Variants in ANKRD10 observed in about 807,000 individuals in gnomAD.
ANKRD10 encodes the protein ankyrin repeat domain 10, also known as ankyrin repeat domain-containing protein 10.
Under a neutral mutation model 27.0 loss-of-function variants are expected in ANKRD10, and 14 were observed. That is an observed-to-expected ratio of 0.52 (90% CI 0.34 to 0.81). The LOEUF is 0.81. Ranked by LOEUF, ANKRD10 falls within the 40% of genes least tolerant of loss-of-function variation. The pLI, the probability that ANKRD10 is intolerant of heterozygous loss-of-function variation, is 0.01. For missense variants in ANKRD10, 493 were observed against 544.0 expected (o/e 0.91, Z 0.93); for synonymous variants, 250 against 224.5 (o/e 1.11, Z -1.01).
At chr13:110,914,064 T>G (rs933226914) in intron 1 of ANKRD10, among the ~76,000 whole-genome samples, 1 of 152,204 alleles carries the variant, frequency 6.6e-6, no homozygotes, top group African/African-American at 2.4e-5. Flanking sequence ...TCACTAATTT[T>G]GCTGAAGCGG....
At chr13:110,880,328 G>A (rs968121015) in intron 5 of ANKRD10, among the ~76,000 whole-genome samples, 4 of 152,158 alleles carry the variant, frequency 2.6e-5, no homozygotes, top group Admixed American at 6.5e-5. Flanking sequence ...AAAATCATGT[G>A]TGTGTCAGTA....
chr13:110,896,019 A>C (rs199578706), intron 3 of ANKRD10, among the ~76,000 whole-genome samples: 2 of 152,178 alleles, frequency 1.3e-5, no homozygotes, highest in East Asian at 3.9e-4. Context: ...TGGCCCAATC[A>C]TGCTATGTAC....
rs1344691271 is a variant in ANKRD10, at chr13:110,914,914, G to C, written c.21C>G (p.Gly7=). 1 of 1,534,584 alleles carries C rather than the reference G, an allele frequency of 6.5e-7. No individual in the cohort carries two copies. Among genetic ancestry groups the C allele is most frequent in the Non-Finnish European group, 8.7e-7 (1 of 1,145,286 alleles). Residue 7 remains glycine, a synonymous_variant, in exon 1 of 6, where the codon GGC becomes GGG. Coordinates refer to ENST00000267339, the MANE Select transcript of ANKRD10 (RefSeq NM_017664.4). The part of the protein sequence containing the change: MSAAGA[G]AGVEAGFSSE... ...TGGAGAAGCCCGCCTCTACGCCCGC[G>C]CCCGCTCCCGCCGCCGACATGGTCC...
In ANKRD10 at chr13:110,892,416, CAAAAAA is replaced by C. The variant is rs71127979; in HGVS notation, c.691+606_691+611del. Among the ~76,000 whole-genome samples, 14 of 19,556 alleles carry C rather than the reference CAAAAAA, an allele frequency of 7.2e-4. 1 individual carries two copies. The highest frequency in any genetic ancestry group is 3.2e-3 in the African/African-American group (11 of 3,400). 12.8% of individuals were successfully genotyped at this position (19,556 alleles called of 152,430 possible). On this transcript the variant is annotated intron_variant, in intron 4 of 5. Transcript: ENST00000267339. ...TTGCACTCCAGCCTGGGTGACAGAG[CAAAAAA>C]AAAAAAAAAAAAAATGGTGGGAGAA...
chr13:110,901,816 G>A (rs2065388611), intron 3 of ANKRD10, among the ~76,000 whole-genome samples: 1 of 152,160 alleles, frequency 6.6e-6, no homozygotes. Flanking sequence ...CAAGGTGGAA[G>A]GACTGCTTGA....
chr13:110,906,635 C>T (rs1349792857), intron 2 of ANKRD10, among the ~76,000 whole-genome samples: 1 of 152,066 alleles, frequency 6.6e-6, no homozygotes, highest in African/African-American at 2.4e-5. Context: ...TGAAGTGGGA[C>T]CACAACTTAG....
intron 3 of ANKRD10, among the ~76,000 whole-genome samples, chr13:110,905,685 T>G (rs2065511406): frequency 1.3e-5 from 2 of 152,208 alleles, no homozygotes; most frequent in South Asian, 4.1e-4. Context: ...AAATCAAAAT[T>G]AGGCAAAGAA....
chr13:110,910,622 T>C lies in ANKRD10; in HGVS notation c.359A>G (p.Lys120Arg). Residue 120 changes from lysine to arginine, a missense_variant, in exon 2 of 6, where the codon AAA becomes AGA. Coordinates refer to ENST00000267339, the MANE Select transcript of ANKRD10 (RefSeq NM_017664.4). Reference protein sequence around the residue: ...WLIQAGANINKPDCEGETPIH... With the variant: ...WLIQAGANINRPDCEGETPIH... ...GTCCATCACCAGCACTCTTACCGGT[T>C]TGTTAATGTTGGCTCCTGCTTGAAT... 5.0e-6 allele frequency: 8 copies of C among 1,613,612 alleles called. No homozygotes were observed. The highest frequency in any genetic ancestry group is 3.3e-5 in the Admixed American group (2 of 59,868).
chr13:110,890,008 G>C lies in ANKRD10; in HGVS notation c.691+3020C>G, dbSNP rs2065033567. Among the ~76,000 whole-genome samples the C allele has an allele frequency of 2.6e-5, 4 of 151,960 alleles. No homozygotes were observed. In the South Asian group the frequency reaches 6.2e-4, roughly 24 times the overall value. ...ATTTTTATATGTGAAGTTACTCAAAGTATTTTATATACATGTGTTAAATGA... is the reference window on the plus strand; with the variant it reads ...ATTTTTATATGTGAAGTTACTCAAACTATTTTATATACATGTGTTAAATGA... On this transcript the variant is annotated intron_variant, in intron 4 of 5. Transcript: ENST00000267339.
intron 4 of ANKRD10, among the ~76,000 whole-genome samples, chr13:110,889,111 CCA>C (rs926199678): frequency 6.0e-5 from 9 of 150,474 alleles, no homozygotes; most frequent in East Asian, 3.9e-4. Flanking sequence ...TGAAAAACGA[CCA>C]CAGTTTCCAA....
intron 3 of ANKRD10, among the ~76,000 whole-genome samples, chr13:110,896,521 C>T (rs563830517): frequency 4.4e-4 from 67 of 152,322 alleles, no homozygotes; most frequent in African/African-American, 1.5e-3. Flanking sequence ...TCCCTGCTCA[C>T]ATTAAAAATC....
chr13:110,910,050 C>T (rs2065651740), intron 2 of ANKRD10, among the ~76,000 whole-genome samples: 1 of 152,132 alleles, frequency 6.6e-6, no homozygotes. Context: ...AATCTGAATG[C>T]GTGTGTGTTT....
intron 1 of ANKRD10, among the ~76,000 whole-genome samples, chr13:110,912,243 C>T (rs1230602045): frequency 6.6e-6 from 1 of 152,210 alleles, no homozygotes; most frequent in Non-Finnish European, 1.5e-5. Context: ...AGAGGAGAGA[C>T]CTCACCTGAA....
At chr13:110,893,375 T>C (rs570744479) in intron 3 of ANKRD10, 112 bp from the exon 4 acceptor site, 14 of 945,232 alleles carry the variant, frequency 1.5e-5, no homozygotes, top group East Asian at 1.1e-4. Flanking sequence ...AACAAATTCA[T>C]AGCAAATCTT....
intron 4 of ANKRD10, among the ~76,000 whole-genome samples, chr13:110,886,745 C>T (rs1034735338): frequency 1.3e-5 from 2 of 152,290 alleles, no homozygotes; most frequent in East Asian, 3.9e-4. Context: ...GTGGCCTGTA[C>T]AGACATTTCA....
intron 4 of ANKRD10, among the ~76,000 whole-genome samples, chr13:110,887,685 G>C (rs1199212993): frequency 2.0e-5 from 3 of 152,232 alleles, no homozygotes; most frequent in Non-Finnish European, 2.9e-5. Context: ...AAACTGCCAA[G>C]TAGTTTCACC....
At chr13:110,911,437 G>A (rs187382415) in intron 1 of ANKRD10, among the ~76,000 whole-genome samples, 1 of 150,252 alleles carries the variant, frequency 6.7e-6, no homozygotes, top group East Asian at 2.0e-4. Flanking sequence ...GGGCAACAGA[G>A]CAAGTCTCCA....
intron 2 of ANKRD10, 112 bp downstream of exon 2, chr13:110,910,506 G>C: frequency 7.4e-7 from 1 of 1,351,530 alleles, no homozygotes; most frequent in Non-Finnish European, 1.0e-6. Flanking sequence ...TCTGCCCTCA[G>C]GTAAAGATAT....
chr13:110,913,298 G>A (rs752426341), intron 1 of ANKRD10, among the ~76,000 whole-genome samples: 3 of 152,210 alleles, frequency 2.0e-5, no homozygotes, highest in Non-Finnish European at 4.4e-5. Context: ...CTGGAGGGAG[G>A]AAATCCTCAG....
Sources: allele counts gnomAD v4.1 joint callset (sites outside exome capture counted in the v4.1 genomes callset), GRCh38; gene constraint gnomAD v4.1.1; transcripts MANE v1.5; gene names NCBI Gene and HGNC (gene_info 2026-07-23, HGNC 2026-07-21).